Variants in NSD3 observed in about 807,000 individuals in gnomAD.
NSD3 encodes nuclear receptor binding SET domain protein 3.
A neutral mutation model predicts 160.8 loss-of-function variants in NSD3; 24 were observed. The observed-to-expected ratio is 0.15, with a 90% CI of 0.11 to 0.21. NSD3 has a LOEUF of 0.21. NSD3 is among the 10% of genes least tolerant of loss of function. NSD3 has a pLI of 1.00. For synonymous variants in NSD3, 520 were observed against 600.0 expected, an observed-to-expected ratio of 0.87 and a Z score of 1.95; for missense variants, 1,157 against 1,735.9, an observed-to-expected ratio of 0.67 and a Z score of 5.93.
At chr8:38,320,516 C>T (rs1046836315) in intron 8 of NSD3, 19 of 151,960 alleles carry the variant, frequency 1.3e-4, no homozygotes, top group Admixed American at 7.9e-4. Flanking sequence ...CCCCACACAC[C>T]TTTTTTTACC....
intron 1 of NSD3, among the ~76,000 whole-genome samples, chr8:38,352,201 G>A (rs1393134819): frequency 1.3e-5 from 2 of 151,960 alleles, no homozygotes; most frequent in East Asian, 1.9e-4. Context: ...AATGGAAGAG[G>A]GAAACAAAGC....
chr8:38,344,568 C>T (rs923019216), intron 2 of NSD3, among the ~76,000 whole-genome samples: 3 of 151,894 alleles, frequency 2.0e-5, no homozygotes, highest in African/African-American at 7.3e-5. Flanking sequence ...CCACCATGCC[C>T]GGACTTAAAC....
At chr8:38,281,959 C>T (rs927705450) in intron 19 of NSD3, among the ~76,000 whole-genome samples, 2 of 152,142 alleles carry the variant, frequency 1.3e-5, no homozygotes, top group African/African-American at 4.8e-5. Flanking sequence ...GAATCTGAAA[C>T]AAGTGAGCTC....
chr8:38,329,291 A>G lies in NSD3; in HGVS notation c.1581+87T>C, dbSNP rs1809991975. On this transcript the variant is annotated intron_variant, in intron 6 of 23. Transcript: ENST00000317025. The surrounding 1 kb of genome is among the most constrained non-coding windows in gnomAD (Gnocchi z 4.8). Reference sequence around the variant, plus strand: ...TTCAGTGGGTAGAAAGGGTATTTAAATTATGCCAAGGTCATTGTTTTAAAT... The same window carrying G: ...TTCAGTGGGTAGAAAGGGTATTTAAGTTATGCCAAGGTCATTGTTTTAAAT... The G allele has an allele frequency of 2.7e-6, 4 of 1,456,496 alleles. No individual in the cohort carries two copies. The highest frequency in any genetic ancestry group is 1.8e-4 in the Middle Eastern group (1 of 5,528). The allele number at this position is 1,456,496 out of a possible 1,614,324, so 90.2% of individuals were successfully genotyped here.
At chr8:38,372,730 A>G (rs1304831749) in intron 1 of NSD3, among the ~76,000 whole-genome samples, 5 of 148,494 alleles carry the variant, frequency 3.4e-5, no homozygotes, top group African/African-American at 1.2e-4. Context: ...TCCTCCCCTC[A>G]GGTGCTCCGC....
Position 38,315,925 on chromosome 8 carries a change from A to G in NSD3, c.1973T>C (p.Leu658Pro). Reference protein sequence around the residue: ...RDTSDSDSRGLSDLQVGFGKQ... With the variant: ...RDTSDSDSRGPSDLQVGFGKQ... ...GCACATATTTACCTGCAGGTCACTCAGTCCTCTAGAATCGGAGTCAGATGT... is the reference window on the plus strand; with the variant it reads ...GCACATATTTACCTGCAGGTCACTCGGTCCTCTAGAATCGGAGTCAGATGT... Residue 658 changes from leucine to proline, a missense_variant, in exon 10 of 24, where the codon CTG (leucine) becomes CCG (proline). Physicochemically the swap from Leu to Pro is moderately conservative, Grantham distance 98. Transcript: ENST00000317025. 6.2e-7 allele frequency: 1 copy of G among 1,613,842 alleles called. No individual in the cohort carries two copies. The highest frequency in any genetic ancestry group is 1.1e-5 in the South Asian group (1 of 91,054).
At chr8:38,357,118 CAA>C (rs966483645) in intron 1 of NSD3, among the ~76,000 whole-genome samples, 22 of 21,312 alleles carry the variant, frequency 1.0e-3, no homozygotes, top group African/African-American at 3.4e-3. Flanking sequence ...GACACCATCT[CAA>C]AAAAAAAAAA....
At position 38,272,658 on chromosome 8, in the gene NSD3, T is replaced by G. The variant is rs1161786600; in HGVS notation, c.*2983A>C. The G allele has an allele frequency of 2.6e-5, 4 of 152,246 alleles. No individual in the cohort carries two copies. Among genetic ancestry groups the G allele is most frequent in the African/African-American group, 4.8e-5 (2 of 41,460 alleles). 9.4% of individuals were successfully genotyped at this position (152,246 alleles called of 1,614,324 possible). ...CACTTCTTCCTTCAACAAATTAACA[T>G]GTGGTTAAAAAAAATACCACCATTA... is the stretch of plus-strand genomic sequence containing the variant. On this transcript the variant is annotated 3_prime_UTR_variant, in exon 24 of 24. Transcript: ENST00000317025.
At chr8:38,278,725 C>G (rs191762428) in intron 21 of NSD3, among the ~76,000 whole-genome samples, 9 of 152,256 alleles carry the variant, frequency 5.9e-5, no homozygotes, top group Admixed American at 2.0e-4. Context: ...TCCAGTTCAG[C>G]CTTCTTTTCT....
At chr8:38,295,632 C>A (rs1339558785) in intron 16 of NSD3, among the ~76,000 whole-genome samples, 164 bp downstream of exon 16, 1 of 151,870 alleles carries the variant, frequency 6.6e-6, no homozygotes, top group Non-Finnish European at 1.5e-5. Context: ...ACCTTCCCAA[C>A]CCCTTAAGAA....
intron 1 of NSD3, among the ~76,000 whole-genome samples, chr8:38,357,438 T>C (rs1472022243): frequency 2.0e-5 from 3 of 152,228 alleles, no homozygotes; most frequent in Non-Finnish European, 4.4e-5. Context: ...ATAAAATCAC[T>C]GGAAATTTCT....
At chr8:38,359,112 AC>A (rs1432525990) in intron 1 of NSD3, among the ~76,000 whole-genome samples, 2 of 152,158 alleles carry the variant, frequency 1.3e-5, no homozygotes, top group Non-Finnish European at 2.9e-5. Context: ...GATCAGAGTA[AC>A]CCTTTGACTA....
chr8:38,314,539 G>A, intron 12 of NSD3, 108 bp downstream of exon 12: 2 of 1,460,384 alleles, frequency 1.4e-6, no homozygotes, highest in Non-Finnish European at 9.2e-7. Flanking sequence ...GAGAGGAGGA[G>A]GGCTAATAAA....
chr8:38,291,757 G>A (rs1039934132), intron 16 of NSD3, among the ~76,000 whole-genome samples: 9 of 152,164 alleles, frequency 5.9e-5, no homozygotes, highest in Non-Finnish European at 5.9e-5. Flanking sequence ...CTTCACTAAC[G>A]TCAGTTAGGA....
rs1808512301 is a variant in NSD3, at chr8:38,272,711, G to A, written c.*2930C>T. ...CCATGCTGCTTTAAGTTATTTCATTGTTGGACAAGAATAAAAACCAGCCAC... is the reference window on the plus strand; with the variant it reads ...CCATGCTGCTTTAAGTTATTTCATTATTGGACAAGAATAAAAACCAGCCAC... On this transcript the variant is annotated 3_prime_UTR_variant, in exon 24 of 24. Transcript: ENST00000317025. The A allele has an allele frequency of 6.6e-6, 1 of 152,178 alleles. No individual in the cohort carries two copies. The highest frequency in any genetic ancestry group is 2.4e-5 in the African/African-American group (1 of 41,430). 9.4% of individuals were successfully genotyped at this position (152,178 alleles called of 1,614,324 possible).
intron 1 of NSD3, 187 bp downstream of exon 1, chr8:38,381,612 G>C (rs1226894013): frequency 8.0e-6 from 1 of 124,812 alleles, no homozygotes; most frequent in African/African-American, 3.1e-5. Context: ...TCCTCCGTCA[G>C]GACTCCCCTC....
intron 12 of NSD3, among the ~76,000 whole-genome samples, chr8:38,308,304 GT>G (rs888713479): frequency 1.0e-3 from 153 of 151,628 alleles, no homozygotes; most frequent in African/African-American, 3.5e-3. Context: ...AGTAAGGTGG[GT>G]TTTTTTTGGT....
In NSD3 at chr8:38,358,932, T is replaced by A. The variant is rs533280755; in HGVS notation, c.-44-10717A>T. Reference sequence around the variant, plus strand: ...GGAAAGGAACAGTTAATTTTTTTTTTAATATGCTCCATTATTTTCAGTATA... The same window carrying A: ...GGAAAGGAACAGTTAATTTTTTTTTAAATATGCTCCATTATTTTCAGTATA... On this transcript the variant is annotated intron_variant, in intron 1 of 23. Transcript: ENST00000317025. Among the ~76,000 whole-genome samples the A allele has an allele frequency of 5.9e-5, 9 of 152,032 alleles. No homozygotes were observed. The South Asian group carries it at 6.2e-4, about 11-fold the overall frequency.
Position 38,276,443 on chromosome 8 carries a change from T to C in NSD3, c.3925A>G (p.Arg1309Gly). 1 of 1,614,232 alleles carries C rather than the reference T, an allele frequency of 6.2e-7. No homozygotes were observed. The change falls in exon 23 of 24, where the codon AGA (arginine) becomes GGA (glycine). Residue 1309 changes from arginine (R) to glycine (G), a missense_variant. By Grantham distance (125) the Arg-to-Gly change is moderately radical (BLOSUM62 -2). Transcript: ENST00000317025. Reference sequence around the variant, plus strand: ...TTTGGTTCTGTTTTGATCTTTCGTCTCTTCTGTTTTAACTTAGCATTTTTT... The same window carrying C: ...TTTGGTTCTGTTTTGATCTTTCGTCCCTTCTGTTTTAACTTAGCATTTTTT... ...KAKNAKLKQK[R>G]RKIKTEPKQM...
Sources: allele counts gnomAD v4.1 joint callset (sites outside exome capture counted in the v4.1 genomes callset), GRCh38; gene constraint gnomAD v4.1.1; non-coding constraint Gnocchi (gnomAD v3.1); transcripts MANE v1.5; gene names NCBI Gene and HGNC (gene_info 2026-07-23, HGNC 2026-07-21).